The following RAB11FIP4 variants were observed in gnomAD, a reference collection of about 807,000 sequenced individuals.
The protein encoded by RAB11FIP4 is RAB11 family interacting protein 4.
A neutral mutation model predicts 74.3 loss-of-function variants in RAB11FIP4; 23 were observed. The observed-to-expected ratio is 0.31, with a 90% CI of 0.22 to 0.44. The LOEUF is 0.44. Ranked by LOEUF, RAB11FIP4 falls within the 20% of genes least tolerant of loss-of-function variation. The pLI, the probability that RAB11FIP4 is intolerant of heterozygous loss-of-function variation, is 1.00. For missense variants in RAB11FIP4, 630 were observed against 863.9 expected (o/e 0.73, Z 3.39); for synonymous variants, 360 against 359.9 (o/e 1.00, Z 0.00).
intron 3 of RAB11FIP4, among the ~76,000 whole-genome samples, chr17:31,450,537 G>A (rs921150787): frequency 2.0e-5 from 3 of 151,830 alleles, no homozygotes; most frequent in African/African-American, 7.3e-5. Context: ...TAGAGATGGG[G>A]TTTCACCATG....
intron 14 of RAB11FIP4, chr17:31,531,263 C>T: frequency 9.3e-6 from 2 of 214,112 alleles, no homozygotes; most frequent in Non-Finnish European, 9.5e-6. Flanking sequence ...GACAGCTCCC[C>T]TTTGGAGTCT....
chr17:31,518,489 A>T (rs1419949736), intron 4 of RAB11FIP4: 1 of 152,660 alleles, frequency 6.6e-6, no homozygotes, highest in Non-Finnish European at 1.5e-5. Context: ...AGGCAGGAGG[A>T]TCACTTAAGC....
Position 31,463,803 on chromosome 17 carries a change from C to CTTTTTTTTTTTTTTTTTTTTTT in RAB11FIP4, c.336+29688_336+29709dup, listed in dbSNP as rs60955293. The stretch of plus-strand genomic sequence containing the variant: ...ACAGGTGTGAGCCACTGCGCCTGGA[C>CTTTTTTTTTTTTTTTTTTTTTT]TTTTTTTTTTTTTTTTTTTTTTTTT... On this transcript the variant is annotated intron_variant, in intron 3 of 14. Coordinates refer to ENST00000621161, the MANE Select transcript of RAB11FIP4 (RefSeq NM_032932.6). 1.2e-4 allele frequency among the ~76,000 whole-genome samples: 4 copies of CTTTTTTTTTTTTTTTTTTTTTT among 32,842 alleles called. 2 individuals carry two copies. Among genetic ancestry groups the CTTTTTTTTTTTTTTTTTTTTTT allele is most frequent in the African/African-American group, 4.3e-4 (4 of 9,210 alleles). The allele number at this position is 32,842 out of a possible 152,430, so 21.5% of individuals were successfully genotyped here. A position where few individuals can be genotyped will look rare whatever the true frequency, so the allele number is the denominator to read the frequency against.
At chr17:31,452,893 G>A (rs1175731434) in intron 3 of RAB11FIP4, among the ~76,000 whole-genome samples, 1 of 152,216 alleles carries the variant, frequency 6.6e-6, no homozygotes, top group African/African-American at 2.4e-5. Context: ...CCTGGGGGAT[G>A]TTGCCCCTGC....
intron 3 of RAB11FIP4, among the ~76,000 whole-genome samples, chr17:31,514,509 G>A (rs1043390919): frequency 6.6e-6 from 1 of 152,214 alleles, no homozygotes. Context: ...CATGGCCCCA[G>A]GCAAGACCCT....
intron 3 of RAB11FIP4, among the ~76,000 whole-genome samples, chr17:31,505,630 TATA>T (rs1329989761): frequency 6.8e-5 from 5 of 73,646 alleles, no homozygotes; most frequent in Admixed American, 2.1e-4. Flanking sequence ...TATATAATTA[TATA>T]ATAATAATTA....
At chr17:31,520,574 C>T (rs563352607) in intron 4 of RAB11FIP4, among the ~76,000 whole-genome samples, 11 of 152,244 alleles carry the variant, frequency 7.2e-5, no homozygotes, top group African/African-American at 2.6e-4. Flanking sequence ...GTGGCACAAT[C>T]TCGGCTCACT....
chr17:31,526,642 A>ACT (rs2072771817), intron 10 of RAB11FIP4: 1 of 152,354 alleles, frequency 6.6e-6, no homozygotes, highest in Non-Finnish European at 1.5e-5. Flanking sequence ...ACCTATTCTC[A>ACT]GACCATTTAA....
chr17:31,484,754 T>A (rs2071884727), intron 3 of RAB11FIP4, among the ~76,000 whole-genome samples: 1 of 152,194 alleles, frequency 6.6e-6, no homozygotes, highest in South Asian at 2.1e-4. Context: ...CCCCTCAGCC[T>A]CTTGCCATAA....
intron 3 of RAB11FIP4, among the ~76,000 whole-genome samples, chr17:31,503,026 T>A (rs1360276760): frequency 1.1e-5 from 1 of 95,136 alleles, no homozygotes; most frequent in Non-Finnish European, 2.1e-5. Context: ...TTTATTATTA[T>A]TATTATTATT....
chr17:31,528,840 C>A, intron 13 of RAB11FIP4, 62 bp downstream of exon 13: 1 of 1,543,004 alleles, frequency 6.5e-7, no homozygotes, highest in Non-Finnish European at 8.8e-7. Context: ...CGTGGGTTTC[C>A]TGTGCAGGAT....
At chr17:31,488,361 A>G in intron 3 of RAB11FIP4, 3 of 1,017,172 alleles carry the variant, frequency 2.9e-6, no homozygotes, top group Non-Finnish European at 2.3e-6. Flanking sequence ...AAGTTGGCGG[A>G]GAGCGGACTT....
chr17:31,422,917 CTTTTTTTTTTTT>C (rs35668224), intron 1 of RAB11FIP4, among the ~76,000 whole-genome samples: 2 of 126,444 alleles, frequency 1.6e-5, no homozygotes, highest in African/African-American at 6.1e-5. Flanking sequence ...TATTGATTGC[CTTTTTTTTTTTT>C]TTTTTTTTGA....
At chr17:31,497,045 T>A (rs2072129588) in intron 3 of RAB11FIP4, among the ~76,000 whole-genome samples, 1 of 152,210 alleles carries the variant, frequency 6.6e-6, no homozygotes, top group African/African-American at 2.4e-5. Flanking sequence ...AGCAGATGCG[T>A]GCTTTCCTTG....
chr17:31,478,784 A>G (rs1183758848), intron 3 of RAB11FIP4, among the ~76,000 whole-genome samples: 1 of 152,138 alleles, frequency 6.6e-6, no homozygotes, highest in African/African-American at 2.4e-5. Flanking sequence ...GCCAGCAGGT[A>G]GGACTGCAGA....
At chr17:31,488,452 T>G in intron 3 of RAB11FIP4, 2 of 629,390 alleles carry the variant, frequency 3.2e-6, no homozygotes, top group Non-Finnish European at 4.1e-6. Flanking sequence ...TGGCGGCTCC[T>G]TCCCCAGCGC....
intron 4 of RAB11FIP4, 56 bp from the exon 5 acceptor site, chr17:31,521,110 G>C (rs1350599265): frequency 7.4e-7 from 1 of 1,359,262 alleles, no homozygotes; most frequent in Non-Finnish European, 9.9e-7. Context: ...CCCACCACGG[G>C]CTGTGGCTGG....
chr17:31,489,870 A>G (rs981804596), intron 3 of RAB11FIP4, among the ~76,000 whole-genome samples: 6 of 152,006 alleles, frequency 3.9e-5, no homozygotes, highest in African/African-American at 9.7e-5. Context: ...GGGTGGAGTA[A>G]ATGACTAAGG....
At chr17:31,528,362 C>T in intron 11 of RAB11FIP4, 44 bp from the exon 12 acceptor site, 1 of 1,592,810 alleles carries the variant, frequency 6.3e-7, no homozygotes, top group African/African-American at 1.3e-5. Flanking sequence ...TAGTGAGCCC[C>T]TCTCTGGGAA....
Sources: allele counts gnomAD v4.1 joint callset (sites outside exome capture counted in the v4.1 genomes callset), GRCh38; gene constraint gnomAD v4.1.1; transcripts MANE v1.5; gene names NCBI Gene and HGNC (gene_info 2026-07-23, HGNC 2026-07-21).